MYBL1: variants seen among roughly 807,000 people sequenced by gnomAD.
MYBL1 encodes myb-related protein A.
Under a neutral mutation model 96.3 loss-of-function variants are expected in MYBL1, and 17 were observed. The ratio of observed to expected loss-of-function variants is 0.18; its 90% CI spans 0.12 to 0.26. The LOEUF is 0.26. MYBL1 is among the 10% of genes least tolerant of loss of function. MYBL1 has a pLI of 1.00. For synonymous variants in MYBL1, 282 were observed against 292.7 expected (o/e 0.96, Z 0.37); for missense variants, 701 against 882.9 (o/e 0.79, Z 2.61).
At chr8:66,580,561 C>T (rs980138375) in intron 8 of MYBL1, among the ~76,000 whole-genome samples, 195 bp from the exon 9 acceptor site, 1 of 152,126 alleles carries the variant, frequency 6.6e-6, no homozygotes, top group Non-Finnish European at 1.5e-5. Context: ...TTAATCTATA[C>T]AATCATGATG....
chr8:66,590,812 A>C (rs1028539765), intron 8 of MYBL1, among the ~76,000 whole-genome samples: 3 of 152,164 alleles, frequency 2.0e-5, no homozygotes, highest in Non-Finnish European at 4.4e-5. Context: ...AAGAATACAA[A>C]ATCACAGCTA....
chr8:66,593,029 T>C, intron 7 of MYBL1, 91 bp downstream of exon 7: 2 of 748,610 alleles, frequency 2.7e-6, no homozygotes, highest in Non-Finnish European at 4.4e-6. Context: ...ATTTTTATAC[T>C]AGTTTAATAG....
At chr8:66,611,898 T>C (rs1375636015) in intron 1 of MYBL1, among the ~76,000 whole-genome samples, 1 of 152,256 alleles carries the variant, frequency 6.6e-6, no homozygotes, top group Non-Finnish European at 1.5e-5. Context: ...TAAATAAATA[T>C]TTGGAAATCC....
At chr8:66,599,407 G>A (rs1809978196) in intron 3 of MYBL1, among the ~76,000 whole-genome samples, 1 of 152,054 alleles carries the variant, frequency 6.6e-6, no homozygotes, top group Non-Finnish European at 1.5e-5. Context: ...TTATAATACA[G>A]AAGCAGCAAA....
At chr8:66,602,699 CTA>C (rs67236935) in intron 1 of MYBL1, among the ~76,000 whole-genome samples, 176 bp from the exon 2 acceptor site, 2,083 of 27,246 alleles carry the variant, frequency 0.076, 133 homozygotes, top group East Asian at 0.13. Context: ...TGGGGTGGAG[CTA>C]TATATATATA....
rs760405490 is a variant in MYBL1, at chr8:66,580,285, G to A, written c.949C>T (p.His317Tyr). The change falls in exon 9 of 16, where the codon CAC (histidine) becomes TAC (tyrosine). Residue 317 changes from histidine (H) to tyrosine (Y), a missense_variant. By Grantham distance (83) the His-to-Tyr change is moderately conservative. Coordinates refer to ENST00000522677, the MANE Select transcript of MYBL1 (RefSeq NM_001080416.4). ...TCCATACTGTAAAACTCACTAGTGT[G>A]CTCGTCAAGGCTATTTAGAGTATTA... The part of the protein sequence containing the change: ...MSNTLNSLDE[H>Y]TSEFYSMDEN... The A allele has an allele frequency of 3.1e-6, 5 of 1,613,720 alleles. No homozygotes were observed. Among genetic ancestry groups the A allele is most frequent in the Non-Finnish European group, 4.2e-6 (5 of 1,179,746 alleles).
intron 10 of MYBL1, 54 bp from the exon 11 acceptor site, chr8:66,573,560 C>G: frequency 3.5e-6 from 5 of 1,413,492 alleles, no homozygotes; most frequent in Non-Finnish European, 4.7e-6. Context: ...AATCCCTACA[C>G]AAATATTAAA....
chr8:66,601,347 G>C (rs1357760513), intron 3 of MYBL1, among the ~76,000 whole-genome samples: 2 of 151,746 alleles, frequency 1.3e-5, no homozygotes, highest in East Asian at 3.9e-4. Context: ...TTTTTTAATA[G>C]GGCTTTTCTG....
chr8:66,595,817 G>T, intron 5 of MYBL1, 60 bp from the exon 6 acceptor site: 2 of 1,148,616 alleles, frequency 1.7e-6, no homozygotes, highest in South Asian at 2.1e-5. Flanking sequence ...TCAACACTGT[G>T]TTAACTTGTA....
intron 1 of MYBL1, among the ~76,000 whole-genome samples, chr8:66,602,922 T>C (rs956493716): frequency 2.7e-5 from 4 of 150,890 alleles, no homozygotes; most frequent in Non-Finnish European, 5.9e-5. Flanking sequence ...ATTTTTTGTA[T>C]TTTTAGTAGA....
At chr8:66,585,571 T>C (rs904067045) in intron 8 of MYBL1, among the ~76,000 whole-genome samples, 3 of 152,048 alleles carry the variant, frequency 2.0e-5, no homozygotes, top group African/African-American at 7.2e-5. Flanking sequence ...TGAAACCTCG[T>C]CTCTCCTAAA....
chr8:66,589,982 G>A (rs1809573580), intron 8 of MYBL1, among the ~76,000 whole-genome samples: 1 of 152,020 alleles, frequency 6.6e-6, no homozygotes, highest in Non-Finnish European at 1.5e-5. Flanking sequence ...GCTGAGGTGG[G>A]AGGACTGCTT....
chr8:66,575,878 T>C, intron 10 of MYBL1, 129 bp downstream of exon 10: 7 of 846,772 alleles, frequency 8.3e-6, no homozygotes, highest in Admixed American at 3.3e-5. Context: ...TTCAGTATTC[T>C]CAAGTATACA....
At chr8:66,612,629 C>T in intron 1 of MYBL1, 190 bp downstream of exon 1, 1 of 564,390 alleles carries the variant, frequency 1.8e-6, no homozygotes, top group South Asian at 9.2e-5. Flanking sequence ...CCTCAAACAC[C>T]CTGGTCCCCA....
intron 1 of MYBL1, among the ~76,000 whole-genome samples, chr8:66,609,481 G>T (rs1463877962): frequency 6.6e-6 from 1 of 151,856 alleles, no homozygotes; most frequent in Non-Finnish European, 1.5e-5. Flanking sequence ...CATATTCAAG[G>T]TATGAAAATT....
At chr8:66,600,936 C>T (rs913066224) in intron 3 of MYBL1, among the ~76,000 whole-genome samples, 4 of 151,570 alleles carry the variant, frequency 2.6e-5, no homozygotes, top group East Asian at 3.9e-4. Flanking sequence ...TCTGGGAGGC[C>T]GAGGCAGTTA....
rs542139138 is a variant in MYBL1, at chr8:66,603,890, T to C, written c.21-1367A>G. 2.0e-5 allele frequency among the ~76,000 whole-genome samples: 3 copies of C among 151,736 alleles called. No homozygotes were observed. The Middle Eastern group carries it at 0.01, about 516-fold the overall frequency. ...GGAGATGTCCATTCTCCCTAATTCA[T>C]AAATTAAATTAAATGAATAAAAATA... On this transcript the variant is annotated intron_variant, in intron 1 of 15. Coordinates refer to ENST00000522677, the MANE Select transcript of MYBL1 (RefSeq NM_001080416.4).
At chr8:66,581,496 A>T (rs1809209792) in intron 8 of MYBL1, among the ~76,000 whole-genome samples, 1 of 151,956 alleles carries the variant, frequency 6.6e-6, no homozygotes, top group South Asian at 2.1e-4. Context: ...GGCCAACATA[A>T]CGAAACCCCA....
Position 66,564,895 on chromosome 8 carries a change from AAAGT to A in MYBL1, c.2131-74_2131-71del, listed in dbSNP as rs1302574460. ...CTATCTATATCACAATTAGACTCTT[AAAGT>A]CAGTTATTTTAACTGATTAGATATT... is the stretch of plus-strand genomic sequence containing the variant. On this transcript the variant is annotated intron_variant, in intron 15 of 15. Transcript: ENST00000522677. 6 of 1,038,348 alleles carry A rather than the reference AAAGT, an allele frequency of 5.8e-6. No homozygotes were observed. In the African/African-American group the frequency reaches 9.9e-5, roughly 17 times the overall value. The allele number at this position is 1,038,348 out of a possible 1,614,324, so 64.3% of individuals were successfully genotyped here.
Sources: allele counts gnomAD v4.1 joint callset (sites outside exome capture counted in the v4.1 genomes callset), GRCh38; gene constraint gnomAD v4.1.1; transcripts MANE v1.5; gene names NCBI Gene and HGNC (gene_info 2026-07-23, HGNC 2026-07-21).